The following ELAVL2 variants were observed in gnomAD, a reference collection of about 807,000 sequenced individuals.
The protein encoded by ELAVL2 is ELAV-like protein 2.
In ELAVL2, 4 loss-of-function variants were observed where a neutral mutation model predicts 34.6. The observed-to-expected ratio is 0.12, with a 90% CI of 0.06 to 0.26. ELAVL2 has a LOEUF of 0.26. Ranked by LOEUF, ELAVL2 falls within the 10% of genes least tolerant of loss-of-function variation. The pLI is 1.00. For missense variants in ELAVL2, 432 were observed against 442.8 expected, an observed-to-expected ratio of 0.98 and a Z score of 0.22; for synonymous variants, 193 against 154.8, an observed-to-expected ratio of 1.25 and a Z score of -1.83.
chr9:23,790,896 A>C (rs1311825322), intron 1 of ELAVL2, among the ~76,000 whole-genome samples: 2 of 152,078 alleles, frequency 1.3e-5, no homozygotes, highest in African/African-American at 2.4e-5. Flanking sequence ...TGAACACTTA[A>C]CCTCTACATG....
At chr9:23,733,335 G>C (rs951051560) in intron 2 of ELAVL2, among the ~76,000 whole-genome samples, 2 of 152,030 alleles carry the variant, frequency 1.3e-5, no homozygotes, top group Non-Finnish European at 2.9e-5. Context: ...TGAACTCCTG[G>C]ACTCAAGCGA....
Position 23,693,438 on chromosome 9 carries a change from C to G in ELAVL2, c.752+10G>C. ...AAGGGATTATGAGTATCATGAACCT[C>G]TATCATTACCTCTTTACTCCATAAG... On this transcript the variant is annotated intron_variant, in intron 6 of 6. Transcript: ENST00000397312. 3 of 1,613,996 alleles carry G rather than the reference C, an allele frequency of 1.9e-6. No homozygotes were observed. Among genetic ancestry groups the G allele is most frequent in the Non-Finnish European group, 2.5e-6 (3 of 1,179,902 alleles).
intron 2 of ELAVL2, among the ~76,000 whole-genome samples, chr9:23,756,022 C>T (rs1451635577): frequency 6.6e-6 from 1 of 152,006 alleles, no homozygotes; most frequent in Non-Finnish European, 1.5e-5. Flanking sequence ...TTGAAGGTTC[C>T]CATTAGTCTA....
intron 2 of ELAVL2, among the ~76,000 whole-genome samples, chr9:23,760,895 G>C (rs193045657): frequency 2.2e-4 from 34 of 152,164 alleles, no homozygotes; most frequent in Admixed American, 2.2e-3. Context: ...AGATCTTGGA[G>C]AGAATGAGCC....
chr9:23,773,353 T>C (rs2057646703), intron 1 of ELAVL2, among the ~76,000 whole-genome samples: 1 of 149,708 alleles, frequency 6.7e-6, no homozygotes, highest in Admixed American at 6.8e-5. Flanking sequence ...AAGGGGTCAA[T>C]ATGCTTAGAT....
chr9:23,694,396 C>T (rs1336333752), intron 5 of ELAVL2, among the ~76,000 whole-genome samples: 3 of 152,104 alleles, frequency 2.0e-5, no homozygotes, highest in Non-Finnish European at 2.9e-5. Context: ...CAAAACACCA[C>T]TCTAATGTCC....
At chr9:23,756,992 C>G (rs1281291360) in intron 2 of ELAVL2, among the ~76,000 whole-genome samples, 1 of 151,968 alleles carries the variant, frequency 6.6e-6, no homozygotes, top group Non-Finnish European at 1.5e-5. Context: ...AGTCTGATTC[C>G]CAAAACTTTT....
At chr9:23,799,471 T>C (rs2061337811) in intron 1 of ELAVL2, among the ~76,000 whole-genome samples, 1 of 152,202 alleles carries the variant, frequency 6.6e-6, no homozygotes, top group South Asian at 2.1e-4. Context: ...GTACTCTTAC[T>C]CCACCCCACC....
intron 1 of ELAVL2, chr9:23,779,278 C>T (rs531352545): frequency 7.1e-6 from 7 of 985,406 alleles, no homozygotes; most frequent in Middle Eastern, 5.2e-4. Context: ...CCAGTAGAAT[C>T]CCATGAAAAC....
chr9:23,848,553 T>C, the ELAVL2 span, among the ~76,000 whole-genome samples: 1 of 152,198 alleles, frequency 6.6e-6, no homozygotes, highest in South Asian at 2.1e-4. Context: ...ACTGTTGAAC[T>C]ACAGTAACTT....
intron 1 of ELAVL2, among the ~76,000 whole-genome samples, chr9:23,803,827 C>T (rs1053038574): frequency 6.6e-5 from 10 of 152,148 alleles, no homozygotes; most frequent in African/African-American, 2.4e-4. Flanking sequence ...GGAACCTTTT[C>T]CCAATGTTTG....
chr9:23,825,641 C>G (rs140033389), intron 1 of ELAVL2, among the ~76,000 whole-genome samples, 165 bp downstream of exon 1: 185 of 152,322 alleles, frequency 1.2e-3, no homozygotes, highest in African/African-American at 4.1e-3. Context: ...CGTCCACCGT[C>G]TTTTAGTCTA....
chr9:23,698,945 T>G (rs2133016746), intron 5 of ELAVL2, among the ~76,000 whole-genome samples: 1 of 152,266 alleles, frequency 6.6e-6, no homozygotes, highest in Non-Finnish European at 1.5e-5. Flanking sequence ...GAATGAGAAA[T>G]GGGGTGAATG....
At chr9:23,771,875 G>A (rs2057365673) in intron 1 of ELAVL2, among the ~76,000 whole-genome samples, 1 of 152,142 alleles carries the variant, frequency 6.6e-6, no homozygotes, top group Non-Finnish European at 1.5e-5. Context: ...AGATAACTCT[G>A]TCTTGGTTAT....
chr9:23,770,051 A>G (rs116374917), intron 1 of ELAVL2, among the ~76,000 whole-genome samples: 341 of 152,314 alleles, frequency 2.2e-3, no homozygotes, highest in African/African-American at 7.8e-3. Context: ...TCATCCATTC[A>G]ACGAACATCT....
the ELAVL2 span, among the ~76,000 whole-genome samples, chr9:23,837,732 C>T: frequency 6.6e-6 from 1 of 152,252 alleles, no homozygotes; most frequent in Non-Finnish European, 1.5e-5. Flanking sequence ...TGACATAACA[C>T]TTGCAAGAGA....
At chr9:23,777,323 C>A (rs1213583901) in intron 1 of ELAVL2, among the ~76,000 whole-genome samples, 1 of 152,136 alleles carries the variant, frequency 6.6e-6, no homozygotes, top group African/African-American at 2.4e-5. Context: ...TTTTTCAATT[C>A]TTCTGTGAAG....
chr9:23,768,870 T>C (rs778284132), intron 1 of ELAVL2, among the ~76,000 whole-genome samples: 12 of 152,174 alleles, frequency 7.9e-5, no homozygotes, highest in Admixed American at 2.6e-4. Flanking sequence ...ACATCATGAT[T>C]AAGTCGTGGA....
At chr9:23,742,278 C>T (rs1007087576) in intron 2 of ELAVL2, among the ~76,000 whole-genome samples, 5 of 152,118 alleles carry the variant, frequency 3.3e-5, no homozygotes, top group African/African-American at 1.2e-4. Flanking sequence ...CTCTTTCTGC[C>T]CCCCGACCAA....
Sources: allele counts gnomAD v4.1 joint callset (sites outside exome capture counted in the v4.1 genomes callset), GRCh38; gene constraint gnomAD v4.1.1; transcripts MANE v1.5; gene names NCBI Gene and HGNC (gene_info 2026-07-23, HGNC 2026-07-21).